Variants in HMGCLL1 observed in about 807,000 individuals in gnomAD.
HMGCLL1 encodes 3-hydroxy-3-methylglutaryl-CoA lyase like 1, also known as 3-hydroxymethyl-3-methylglutaryl-CoA lyase, cytoplasmic.
In HMGCLL1, 36 loss-of-function variants were observed where a neutral mutation model predicts 39.1. That is an observed-to-expected ratio of 0.92 (90% confidence interval 0.71 to 1.22). The LOEUF (loss-of-function observed/expected upper bound fraction) is 1.22, where lower values mean the gene tolerates loss of function less well. Ranked by LOEUF, HMGCLL1 falls within the 50% of genes most tolerant of loss-of-function variation. HMGCLL1 has a pLI of 0.00. For synonymous variants in HMGCLL1, 149 were observed against 144.0 expected, an observed-to-expected ratio of 1.03 and a Z score of -0.25; for missense variants, 451 against 416.5, an observed-to-expected ratio of 1.08 and a Z score of -0.72.
the HMGCLL1 span, among the ~76,000 whole-genome samples, chr6:55,670,895 A>G: frequency 2.0e-5 from 3 of 151,848 alleles, no homozygotes; most frequent in African/African-American, 7.2e-5. Flanking sequence ...TTATGAGTGA[A>G]TACAAAGCAT....
At chr6:55,567,977 T>C (rs1015290090) in intron 1 of HMGCLL1, among the ~76,000 whole-genome samples, 17 of 152,300 alleles carry the variant, frequency 1.1e-4, no homozygotes, top group African/African-American at 4.1e-4. Context: ...TTTTCTATCC[T>C]TGTTATTACT....
the HMGCLL1 span, among the ~76,000 whole-genome samples, chr6:55,667,278 A>G: frequency 3.1e-4 from 47 of 151,948 alleles, 1 homozygote; most frequent in South Asian, 9.3e-3. Context: ...TGATTATCTT[A>G]GAGGGCAAAA....
chr6:55,535,514 G>A (rs541393397), intron 3 of HMGCLL1, among the ~76,000 whole-genome samples: 2 of 152,052 alleles, frequency 1.3e-5, no homozygotes, highest in Non-Finnish European at 2.9e-5. Context: ...TCTCCATGCC[G>A]GCATCTTAGT....
At chr6:55,546,063 T>G (rs1229298197) in intron 1 of HMGCLL1, among the ~76,000 whole-genome samples, 1 of 152,126 alleles carries the variant, frequency 6.6e-6, no homozygotes, top group Non-Finnish European at 1.5e-5. Context: ...TATGGCTGTT[T>G]GCTAGAAAAA....
chr6:55,449,591 T>C (rs568510192), intron 7 of HMGCLL1, among the ~76,000 whole-genome samples: 98 of 152,328 alleles, frequency 6.4e-4, no homozygotes, highest in African/African-American at 2.2e-3. Context: ...AAAGGTTAGA[T>C]TAAAATCTGC....
chr6:55,654,673 GTCCAA>G, the HMGCLL1 span, among the ~76,000 whole-genome samples: 1 of 151,824 alleles, frequency 6.6e-6, no homozygotes, highest in Non-Finnish European at 1.5e-5. Context: ...AGCACTTACT[GTCCAA>G]ATGGGTACCT....
rs1767749506 is a variant in HMGCLL1, at chr6:55,516,564, A to G, written c.337T>C (p.Tyr113His). The G allele has an allele frequency of 1.2e-6, 2 of 1,603,666 alleles. No homozygotes were observed. Among genetic ancestry groups the G allele is most frequent in the Non-Finnish European group, 1.7e-6 (2 of 1,172,976 alleles). The stretch of plus-strand genomic sequence containing the variant: ...AGGACAGGATAGCGAACTCCTGGAT[A>G]TTGATGAATGCCTTTCATTACTTCA... ...HTEVMKGIHQ[Y>H]PGVRYPVLTP... Residue 113 changes from tyrosine (Y) to histidine (H), a missense_variant, in exon 4 of 9, where the codon TAT (tyrosine) becomes CAT (histidine). Transcript: ENST00000274901.
At chr6:55,674,482 A>G in the HMGCLL1 span, among the ~76,000 whole-genome samples, 1 of 152,152 alleles carries the variant, frequency 6.6e-6, no homozygotes, top group African/African-American at 2.4e-5. Context: ...AAAATATGCA[A>G]TGCAAAAGCA....
chr6:55,597,040 AT>A, the HMGCLL1 span, among the ~76,000 whole-genome samples: 1 of 123,244 alleles, frequency 8.1e-6, no homozygotes, highest in Non-Finnish European at 1.8e-5. Flanking sequence ...AAACCCAATG[AT>A]TTTTGTGATC....
chr6:55,579,645 G>T (rs779781400), upstream of HMGCLL1, among the ~76,000 whole-genome samples: 1 of 152,188 alleles, frequency 6.6e-6, no homozygotes, highest in Non-Finnish European at 1.5e-5. Context: ...AAAAGGAAAA[G>T]ATAGTCTTAA....
chr6:55,655,856 C>T, the HMGCLL1 span, among the ~76,000 whole-genome samples: 2 of 151,960 alleles, frequency 1.3e-5, no homozygotes, highest in Admixed American at 1.3e-4. Context: ...TTATCAGAAA[C>T]ATCTACTCCT....
intron 1 of HMGCLL1, among the ~76,000 whole-genome samples, chr6:55,544,666 T>C (rs1391536299): frequency 6.6e-6 from 1 of 152,152 alleles, no homozygotes; most frequent in Non-Finnish European, 1.5e-5. Context: ...AGGCCATTTT[T>C]AGGGTCCAGA....
intron 1 of HMGCLL1, among the ~76,000 whole-genome samples, chr6:55,575,068 A>G (rs185918558): frequency 2.6e-5 from 4 of 152,164 alleles, no homozygotes; most frequent in Admixed American, 1.3e-4. Flanking sequence ...TTGAAAATCA[A>G]AGGGGGATCG....
the HMGCLL1 span, among the ~76,000 whole-genome samples, chr6:55,673,251 C>G: frequency 3.3e-5 from 5 of 151,872 alleles, no homozygotes; most frequent in African/African-American, 1.2e-4. Context: ...AGTGGAGAAT[C>G]CAGCTATACT....
intron 1 of HMGCLL1, among the ~76,000 whole-genome samples, chr6:55,546,967 T>A (rs1297647485): frequency 6.6e-6 from 1 of 152,018 alleles, no homozygotes; most frequent in Non-Finnish European, 1.5e-5. Context: ...AGAGTAACAA[T>A]AAAAGAAATA....
At chr6:55,624,747 G>A in the HMGCLL1 span, among the ~76,000 whole-genome samples, 3 of 152,130 alleles carry the variant, frequency 2.0e-5, no homozygotes, top group African/African-American at 7.2e-5. Flanking sequence ...CCAGTGGTGT[G>A]GGGCCTGTTG....
At chr6:55,535,864 T>A (rs1312903598) in intron 3 of HMGCLL1, among the ~76,000 whole-genome samples, 1 of 152,176 alleles carries the variant, frequency 6.6e-6, no homozygotes, top group Admixed American at 6.5e-5. Flanking sequence ...TCTCACTCTC[T>A]CTTTCAGCCC....
At chr6:55,610,319 C>T in the HMGCLL1 span, among the ~76,000 whole-genome samples, 5 of 151,878 alleles carry the variant, frequency 3.3e-5, no homozygotes, top group African/African-American at 1.2e-4. Flanking sequence ...TCTAGAATAA[C>T]CACTTTAGAG....
the HMGCLL1 span, among the ~76,000 whole-genome samples, chr6:55,676,826 A>G: frequency 7.9e-5 from 12 of 152,352 alleles, no homozygotes; most frequent in Non-Finnish European, 1.8e-4. Flanking sequence ...CAGTGTAGAA[A>G]CAGTTCAAAC....
Sources: allele counts gnomAD v4.1 joint callset (sites outside exome capture counted in the v4.1 genomes callset), GRCh38; gene constraint gnomAD v4.1.1; transcripts MANE v1.5; gene names NCBI Gene and HGNC (gene_info 2026-07-23, HGNC 2026-07-21).